The following CTNNBIP1 variants were observed in gnomAD, a reference collection of about 807,000 sequenced individuals.
CTNNBIP1 encodes beta-catenin-interacting protein 1.
CTNNBIP1 carries 7 observed loss-of-function variants against 11.8 expected under a neutral mutation model. That is an observed-to-expected ratio of 0.60 (90% CI 0.34 to 1.12). The LOEUF (loss-of-function observed/expected upper bound fraction) is 1.12, where lower values mean the gene tolerates loss of function less well. CTNNBIP1 is among the 50% of genes most tolerant of loss of function. The pLI is 0.03. For missense variants in CTNNBIP1, 101 were observed against 113.4 expected, an observed-to-expected ratio of 0.89 and a Z score of 0.50; for synonymous variants, 58 against 43.9, an observed-to-expected ratio of 1.32 and a Z score of -1.26.
chr1:9,854,092 A>C (rs773343144), intron 5 of CTNNBIP1, among the ~76,000 whole-genome samples: 2 of 152,194 alleles, frequency 1.3e-5, no homozygotes, highest in African/African-American at 2.4e-5. Context: ...CCACTCAACA[A>C]GGCCAGGTGC....
At chr1:9,885,293 A>G (rs1240650771) in intron 1 of CTNNBIP1, among the ~76,000 whole-genome samples, 2 of 152,088 alleles carry the variant, frequency 1.3e-5, no homozygotes, top group Non-Finnish European at 2.9e-5. Context: ...AGCAAGTGGA[A>G]CAATTTTGGG....
chr1:9,860,598 C>T (rs911196706), intron 5 of CTNNBIP1, among the ~76,000 whole-genome samples: 3 of 132,954 alleles, frequency 2.3e-5, no homozygotes, highest in Admixed American at 7.9e-5. Flanking sequence ...GCATGGGCAA[C>T]AGAGCAAGAC....
chr1:9,854,044 T>C (rs1638449142), intron 5 of CTNNBIP1, among the ~76,000 whole-genome samples: 1 of 152,030 alleles, frequency 6.6e-6, no homozygotes, highest in Non-Finnish European at 1.5e-5. Flanking sequence ...ACAAAAACCA[T>C]ACAGGAAAAG....
At chr1:9,895,248 G>C (rs1301033330) in intron 1 of CTNNBIP1, among the ~76,000 whole-genome samples, 1 of 150,832 alleles carries the variant, frequency 6.6e-6, no homozygotes, top group Non-Finnish European at 1.5e-5. Context: ...ACCCACGCTG[G>C]AATGTAATGG....
At chr1:9,885,380 G>C (rs574176641) in intron 1 of CTNNBIP1, among the ~76,000 whole-genome samples, 8 of 152,214 alleles carry the variant, frequency 5.3e-5, no homozygotes, top group East Asian at 3.9e-4. Flanking sequence ...CTGTAGAAAG[G>C]GGGTGATAAC....
chr1:9,851,636 G>T lies in CTNNBIP1; in HGVS notation c.188-860C>A, dbSNP rs143363925. On this transcript the variant is annotated intron_variant, in intron 5 of 5. Transcript: ENST00000377263. This position sits in a 1 kb window ranked among gnomAD's most constrained non-coding sequence, Gnocchi z 4.8. Reference sequence around the variant, plus strand: ...TCCACCCACCTCGGCCTCCCAAAGTGCTGGGATTATAGGCAGGAGCCACCG... The same window carrying T: ...TCCACCCACCTCGGCCTCCCAAAGTTCTGGGATTATAGGCAGGAGCCACCG... Among the ~76,000 whole-genome samples, 3 of 152,304 alleles carry T rather than the reference G, an allele frequency of 2.0e-5. No homozygotes were observed. The highest frequency in any genetic ancestry group is 4.4e-5 in the Non-Finnish European group (3 of 68,040).
At chr1:9,877,579 A>AGG (rs1638995957) in intron 3 of CTNNBIP1, among the ~76,000 whole-genome samples, 3 of 152,226 alleles carry the variant, frequency 2.0e-5, no homozygotes, top group Admixed American at 2.0e-4. Flanking sequence ...ATTCTAATAC[A>AGG]TTTAAAAATG....
chr1:9,849,208 A>G lies in CTNNBIP1; in HGVS notation c.*1510T>C, dbSNP rs1253158892. 2.0e-5 allele frequency: 3 copies of G among 152,448 alleles called. No homozygotes were observed. Among genetic ancestry groups the G allele is most frequent in the African/African-American group, 7.2e-5 (3 of 41,458 alleles). 9.4% of individuals were successfully genotyped at this position (152,448 alleles called of 1,614,324 possible). A position where few individuals can be genotyped will look rare whatever the true frequency, so the allele number is the denominator to read the frequency against. On this transcript the variant is annotated 3_prime_UTR_variant, in exon 6 of 6. Coordinates refer to ENST00000377263, the MANE Select transcript of CTNNBIP1 (RefSeq NM_020248.3). ...AAGGACTTAGGTTTGGTGCAGGAAC[A>G]CTAGACCTGCCCCTCACCCCCTGCC...
chr1:9,899,177 C>T (rs1294997795), intron 1 of CTNNBIP1, among the ~76,000 whole-genome samples: 2 of 152,074 alleles, frequency 1.3e-5, no homozygotes, highest in Non-Finnish European at 2.9e-5. Flanking sequence ...AAAATGAGGC[C>T]GGGCACGGTG....
intron 1 of CTNNBIP1, among the ~76,000 whole-genome samples, chr1:9,884,331 C>T (rs57691961): frequency 0.035 from 5,307 of 152,182 alleles, 300 homozygotes; most frequent in African/African-American, 0.12. Context: ...TGGGGCAGGG[C>T]AGTCTGGGGA....
intron 5 of CTNNBIP1, among the ~76,000 whole-genome samples, chr1:9,852,194 C>T (rs1409795910): frequency 2.0e-5 from 3 of 152,170 alleles, no homozygotes; most frequent in Non-Finnish European, 4.4e-5. Flanking sequence ...CCACAGCCGG[C>T]ATGTGCTGAC....
chr1:9,885,559 G>A (rs560791762), intron 1 of CTNNBIP1, among the ~76,000 whole-genome samples: 3 of 151,878 alleles, frequency 2.0e-5, no homozygotes, highest in South Asian at 2.1e-4. Flanking sequence ...TGGGAGGATC[G>A]CTTGAGCCTG....
intron 1 of CTNNBIP1, among the ~76,000 whole-genome samples, chr1:9,909,756 G>A (rs757125534): frequency 1.3e-5 from 2 of 152,098 alleles, no homozygotes; most frequent in Non-Finnish European, 2.9e-5. Context: ...CAGAGTGGGC[G>A]CAGGTGAGGG....
rs557062318 is a variant in CTNNBIP1, at chr1:9,864,546, T to C, written c.187+6641A>G. On this transcript the variant is annotated intron_variant, in intron 5 of 5. Coordinates refer to ENST00000377263, the MANE Select transcript of CTNNBIP1 (RefSeq NM_020248.3). ...AGTTTCACCATGTTAGCCAGGATGG[T>C]CTCAATCTCCTGACCTCGTGATCCG... 7.6e-4 allele frequency among the ~76,000 whole-genome samples: 116 copies of C among 152,230 alleles called. No homozygotes were observed. The South Asian group carries it at 0.012, about 16-fold the overall frequency.
At chr1:9,879,495 T>C (rs1294472845) in intron 2 of CTNNBIP1, among the ~76,000 whole-genome samples, 1 of 152,218 alleles carries the variant, frequency 6.6e-6, no homozygotes, top group Non-Finnish European at 1.5e-5. Context: ...CTCTCTGTTC[T>C]GTGTGTCCCT....
chr1:9,885,299 T>C (rs554004474), intron 1 of CTNNBIP1, among the ~76,000 whole-genome samples: 17 of 152,190 alleles, frequency 1.1e-4, no homozygotes, highest in South Asian at 6.2e-4. Context: ...TGGAACAATT[T>C]TGGGGGACAA....
intron 1 of CTNNBIP1, among the ~76,000 whole-genome samples, chr1:9,904,269 G>T (rs918423876): frequency 1.3e-5 from 2 of 152,106 alleles, no homozygotes; most frequent in African/African-American, 4.8e-5. Context: ...CGTCCTATTT[G>T]ATTCCCACTA....
At chr1:9,905,431 T>C (rs72858068) in intron 1 of CTNNBIP1, among the ~76,000 whole-genome samples, 23,667 of 149,894 alleles carry the variant, frequency 0.16, 5,175 homozygotes, top group African/African-American at 0.49. Flanking sequence ...CCTACATTCT[T>C]TTTTTTTTTG....
At chr1:9,905,188 C>T (rs1245685199) in intron 1 of CTNNBIP1, among the ~76,000 whole-genome samples, 2 of 152,270 alleles carry the variant, frequency 1.3e-5, no homozygotes, top group Admixed American at 6.5e-5. Context: ...AAAGTAAAAT[C>T]CAAACTCCTA....
Sources: allele counts gnomAD v4.1 joint callset (sites outside exome capture counted in the v4.1 genomes callset), GRCh38; gene constraint gnomAD v4.1.1; non-coding constraint Gnocchi (gnomAD v3.1); transcripts MANE v1.5; gene names NCBI Gene and HGNC (gene_info 2026-07-23, HGNC 2026-07-21).